Variants in MYT1L observed in about 807,000 individuals in gnomAD.
MYT1L encodes myelin transcription factor 1 like.
MYT1L carries 12 observed loss-of-function variants against 126.7 expected under a neutral mutation model. The observed-to-expected ratio is 0.09, with a 90% CI of 0.06 to 0.15. The LOEUF (loss-of-function observed/expected upper bound fraction) is 0.15, where lower values mean the gene tolerates loss of function less well. MYT1L is among the 10% of genes least tolerant of loss of function. MYT1L has a pLI of 1.00. For synonymous variants in MYT1L, 541 were observed against 604.2 expected, an observed-to-expected ratio of 0.90 and a Z score of 1.53; for missense variants, 979 against 1,585.2, an observed-to-expected ratio of 0.62 and a Z score of 6.49.
chr2:2,302,600 T>A (rs924936951), intron 1 of MYT1L, among the ~76,000 whole-genome samples: 5 of 152,228 alleles, frequency 3.3e-5, no homozygotes, highest in African/African-American at 1.2e-4. Context: ...CTGCTTACAA[T>A]GAACAATGAG....
At chr2:2,086,608 C>T (rs1434635799) in intron 3 of MYT1L, among the ~76,000 whole-genome samples, 1 of 152,144 alleles carries the variant, frequency 6.6e-6, no homozygotes, top group Non-Finnish European at 1.5e-5. Flanking sequence ...GCCTTATCAC[C>T]CCCTTAGCTG....
intron 21 of MYT1L, among the ~76,000 whole-genome samples, chr2:1,836,618 T>C (rs1433113610): frequency 1.5e-5 from 2 of 132,202 alleles, no homozygotes; most frequent in African/African-American, 3.0e-5. Context: ...TCCCATCAGC[T>C]TGCATCACAA....
intron 2 of MYT1L, among the ~76,000 whole-genome samples, chr2:2,281,019 T>A (rs1446516659): frequency 6.6e-6 from 1 of 152,166 alleles, no homozygotes; most frequent in African/African-American, 2.4e-5. Flanking sequence ...TTTGGCTGTG[T>A]CCCCACCCAA....
chr2:2,049,496 T>C (rs1393269070), intron 4 of MYT1L, among the ~76,000 whole-genome samples: 1 of 152,234 alleles, frequency 6.6e-6, no homozygotes, highest in Non-Finnish European at 1.5e-5. Flanking sequence ...AACTGTGTAA[T>C]GTTAGACAAA....
At chr2:2,238,475 T>G (rs2094371207) in intron 2 of MYT1L, among the ~76,000 whole-genome samples, 1 of 152,204 alleles carries the variant, frequency 6.6e-6, no homozygotes, top group African/African-American at 2.4e-5. Flanking sequence ...GGAGAAACAC[T>G]TCCTCCTTTG....
rs142189284 is a variant in MYT1L, at chr2:1,946,977, G to A, written c.153-3643C>T. On this transcript the variant is annotated intron_variant, in intron 8 of 24. Coordinates refer to ENST00000647738, the MANE Select transcript of MYT1L (RefSeq NM_001303052.2). ...TGCACGGATGGCTCCTCCAGAGCCT[G>A]CCCTTGGTGTCGCGGGTCATAATGA... Among the ~76,000 whole-genome samples, 101 of 152,300 alleles carry A rather than the reference G, an allele frequency of 6.6e-4. 1 individual carries two copies. In the East Asian group the frequency reaches 0.019, roughly 29 times the overall value.
At chr2:2,292,740 A>G (rs1168934648) in intron 1 of MYT1L, among the ~76,000 whole-genome samples, 1 of 152,192 alleles carries the variant, frequency 6.6e-6, no homozygotes, top group Admixed American at 6.5e-5. Context: ...GTGGTTCTAC[A>G]TCCTGATATC....
chr2:2,272,331 C>T (rs1472046528), intron 2 of MYT1L, among the ~76,000 whole-genome samples: 1 of 152,208 alleles, frequency 6.6e-6, no homozygotes, highest in East Asian at 1.9e-4. Flanking sequence ...CTCTAGGACA[C>T]TCATGGCAGG....
intron 2 of MYT1L, among the ~76,000 whole-genome samples, chr2:2,215,994 C>T (rs1415035321): frequency 6.6e-6 from 1 of 152,038 alleles, no homozygotes; most frequent in African/African-American, 2.4e-5. Context: ...GGCACCCTCT[C>T]CCCCAACCTT....
chr2:1,940,939 G>C (rs1386790005), intron 9 of MYT1L, among the ~76,000 whole-genome samples: 1 of 152,160 alleles, frequency 6.6e-6, no homozygotes, highest in African/African-American at 2.4e-5. Flanking sequence ...CTCCTTTGGC[G>C]GTGCTGTCAC....
chr2:2,260,309 A>G (rs985952496), intron 2 of MYT1L, among the ~76,000 whole-genome samples: 6 of 152,184 alleles, frequency 3.9e-5, no homozygotes, highest in Non-Finnish European at 1.5e-5. Context: ...TCAAATGAGA[A>G]AAGTTTTGTG....
chr2:2,195,782 C>T (rs2092771997), intron 2 of MYT1L, among the ~76,000 whole-genome samples: 1 of 151,878 alleles, frequency 6.6e-6, no homozygotes, highest in African/African-American at 2.4e-5. Flanking sequence ...ATGAGATTAA[C>T]AACAGAATAT....
chr2:1,886,496 G>A (rs987256145), intron 18 of MYT1L, 43 bp downstream of exon 18: 4 of 1,418,218 alleles, frequency 2.8e-6, no homozygotes, highest in Admixed American at 2.3e-5. Flanking sequence ...GAACTACTGA[G>A]TGCATGGATT....
chr2:2,131,889 T>G (rs1330054038), intron 3 of MYT1L, among the ~76,000 whole-genome samples: 1 of 149,564 alleles, frequency 6.7e-6, no homozygotes, highest in Non-Finnish European at 1.5e-5. Context: ...GAAGGGGACA[T>G]GCAAGAGAGT....
chr2:1,865,159 G>A (rs1333506369), intron 18 of MYT1L, among the ~76,000 whole-genome samples: 1 of 152,190 alleles, frequency 6.6e-6, no homozygotes, highest in Admixed American at 6.5e-5. Context: ...GCGTCTGTGT[G>A]GAGAGCTGGG....
At chr2:1,971,014 T>C (rs763150976) in intron 8 of MYT1L, among the ~76,000 whole-genome samples, 1 of 152,068 alleles carries the variant, frequency 6.6e-6, no homozygotes, top group Non-Finnish European at 1.5e-5. Context: ...ATTGGAATTA[T>C]TTAAAAAATA....
chr2:1,869,618 A>C (rs13416613), intron 18 of MYT1L, among the ~76,000 whole-genome samples: 9,732 of 152,306 alleles, frequency 0.064, 370 homozygotes, highest in Non-Finnish European at 0.077. Context: ...GCAGGACTTC[A>C]TGCTGCCGTT....
intron 2 of MYT1L, among the ~76,000 whole-genome samples, chr2:2,236,802 C>CTTTTTTTT (rs1559421069): frequency 2.2e-4 from 4 of 18,240 alleles, no homozygotes; most frequent in Non-Finnish European, 1.7e-4. Flanking sequence ...TCTTCTTCTT[C>CTTTTTTTT]TTCTTCTTCT....
intron 8 of MYT1L, among the ~76,000 whole-genome samples, chr2:1,958,118 C>A (rs1480335557): frequency 1.5e-5 from 2 of 137,130 alleles, no homozygotes; most frequent in Non-Finnish European, 1.5e-5. Flanking sequence ...GTCTGAGTTG[C>A]AGAACATTTT....
Sources: gnomAD v4.1 joint callset for allele counts (sites outside exome capture counted in the v4.1 genomes callset) on GRCh38, gnomAD v4.1.1 for gene constraint, MANE v1.5 for transcripts, NCBI Gene and HGNC (gene_info 2026-07-23, HGNC 2026-07-21) for gene names.